The following KIT variants were observed in gnomAD, a reference collection of about 807,000 sequenced individuals.
The protein encoded by KIT is KIT proto-oncogene, receptor tyrosine kinase, also known as mast/stem cell growth factor receptor Kit.
A neutral mutation model predicts 105.7 loss-of-function variants in KIT; 16 were observed. That is an observed-to-expected ratio of 0.15 (90% confidence interval 0.10 to 0.23). The LOEUF (loss-of-function observed/expected upper bound fraction) is 0.23. Among genes scored for constraint, KIT ranks in the 10% least tolerant of loss-of-function variants. The pLI, the probability that KIT is intolerant of heterozygous loss-of-function variation, is 1.00. For missense variants in KIT, 858 were observed against 1,213.8 expected (o/e 0.71, Z 4.36); for synonymous variants, 438 against 441.1 (o/e 0.99, Z 0.09).
rs886716341 is a variant in KIT, at chr4:54,739,908, C to T, written c.*1351C>T. On this transcript the variant is annotated 3_prime_UTR_variant, in exon 21 of 21. Transcript: ENST00000288135. ...CTTAAGGCACTCTGTTATTTAGACT[C>T]ATCTTACTGTACCTGTTCCTTAGAC... 33 of 233,312 alleles carry T rather than the reference C, an allele frequency of 1.4e-4. No individual in the cohort carries two copies. Among genetic ancestry groups the T allele is most frequent in the African/African-American group, 5.7e-4 (26 of 45,318 alleles). The allele number at this position is 233,312 out of a possible 1,614,324, so 14.5% of individuals were successfully genotyped here. A position where few individuals can be genotyped will look rare whatever the true frequency, so the allele number is the denominator to read the frequency against.
rs1210072124 is a variant in KIT, at chr4:54,713,435, A to T, written c.1231+3896A>T. Among the ~76,000 whole-genome samples the T allele has an allele frequency of 2.6e-5, 4 of 152,196 alleles. No individual in the cohort carries two copies. In the East Asian group the frequency reaches 5.8e-4, roughly 22 times the overall value. ...GTTGTGGCCTTTTTGACATCATTTTAGCTGAGCCAGTTACATATGTAGGTG... is the reference window on the plus strand; with the variant it reads ...GTTGTGGCCTTTTTGACATCATTTTTGCTGAGCCAGTTACATATGTAGGTG... On this transcript the variant is annotated intron_variant, in intron 7 of 20. Coordinates refer to ENST00000288135, the MANE Select transcript of KIT (RefSeq NM_000222.3).
chr4:54,664,839 C>T (rs1344121529), intron 1 of KIT, among the ~76,000 whole-genome samples: 1 of 151,112 alleles, frequency 6.6e-6, no homozygotes, highest in African/African-American at 2.4e-5. Flanking sequence ...CCCCCAGCCT[C>T]AGCCTCCCAA....
At chr4:54,680,039 T>G (rs895126046) in intron 1 of KIT, among the ~76,000 whole-genome samples, 1 of 152,298 alleles carries the variant, frequency 6.6e-6, no homozygotes, top group Admixed American at 6.5e-5. Context: ...CATTATGCAA[T>G]ATTTCTGTTT....
chr4:54,666,601 C>A (rs1226275546), intron 1 of KIT, among the ~76,000 whole-genome samples: 2 of 151,916 alleles, frequency 1.3e-5, no homozygotes, highest in Non-Finnish European at 2.9e-5. Flanking sequence ...AGGGAAAATT[C>A]TTTCATTAGA....
intron 17 of KIT, among the ~76,000 whole-genome samples, chr4:54,734,868 A>G (rs1473954164): frequency 1.3e-5 from 2 of 152,150 alleles, no homozygotes; most frequent in Non-Finnish European, 2.9e-5. Flanking sequence ...TAGGAATACC[A>G]AGGAAAACAG....
intron 1 of KIT, among the ~76,000 whole-genome samples, chr4:54,688,077 T>C (rs1184821946): frequency 6.6e-6 from 1 of 152,054 alleles, no homozygotes; most frequent in Non-Finnish European, 1.5e-5. Flanking sequence ...TGATTCAGAG[T>C]TGATTTAGTC....
At chr4:54,734,700 T>C (rs1722817013) in intron 17 of KIT, among the ~76,000 whole-genome samples, 2 of 152,162 alleles carry the variant, frequency 1.3e-5, no homozygotes, top group Non-Finnish European at 1.5e-5. Flanking sequence ...ATTTTTGTCA[T>C]CATCATTTGA....
At chr4:54,706,477 A>T (rs1720796183) in intron 5 of KIT, among the ~76,000 whole-genome samples, 1 of 152,044 alleles carries the variant, frequency 6.6e-6, no homozygotes, top group African/African-American at 2.4e-5. Flanking sequence ...AAAAATATTT[A>T]TGGATTTAAA....
intron 7 of KIT, among the ~76,000 whole-genome samples, chr4:54,716,416 C>T (rs1721500394): frequency 6.6e-6 from 1 of 151,920 alleles, no homozygotes; most frequent in Non-Finnish European, 1.5e-5. Context: ...TGTAAATAAG[C>T]AAAAATAAAA....
At chr4:54,709,613 G>A in intron 7 of KIT, 74 bp downstream of exon 7, 2 of 885,778 alleles carry the variant, frequency 2.3e-6, no homozygotes, top group East Asian at 2.5e-5. Context: ...ACAGCTGCAA[G>A]GACTCAACTT....
intron 1 of KIT, among the ~76,000 whole-genome samples, chr4:54,677,920 G>T (rs1718597373): frequency 6.6e-6 from 1 of 152,214 alleles, no homozygotes; most frequent in Non-Finnish European, 1.5e-5. Flanking sequence ...GACCTAGAGG[G>T]TAAAGAGGCT....
At chr4:54,698,055 A>G (rs1720192951) in intron 2 of KIT, among the ~76,000 whole-genome samples, 1 of 152,190 alleles carries the variant, frequency 6.6e-6, no homozygotes, top group Admixed American at 6.5e-5. Flanking sequence ...TTGAAGATTA[A>G]ATGAGATTAA....
chr4:54,694,736 T>C (rs1719938274), intron 1 of KIT, among the ~76,000 whole-genome samples: 1 of 152,194 alleles, frequency 6.6e-6, no homozygotes, highest in Non-Finnish European at 1.5e-5. Context: ...CACACTAGCA[T>C]GGACTTTTCC....
rs545620289 is a variant in KIT at position 54,704,267 on chromosome 4, T to G, written c.925+375T>G. Among the ~76,000 whole-genome samples, 279 of 152,354 alleles carry G rather than the reference T, an allele frequency of 1.8e-3. 2 individuals are homozygous for G. Among genetic ancestry groups the G allele is most frequent in the African/African-American group, 6.4e-3 (268 of 41,598 alleles). On this transcript the variant is annotated intron_variant, in intron 5 of 20. Transcript: ENST00000288135. ...ACACAAATGCTTAGAGCCTGAAGTATTTCTCTGAAACTTTTGGTAGGGGCT... is the reference window on the plus strand; with the variant it reads ...ACACAAATGCTTAGAGCCTGAAGTAGTTCTCTGAAACTTTTGGTAGGGGCT...
intron 1 of KIT, among the ~76,000 whole-genome samples, chr4:54,688,405 C>T (rs1719466416): frequency 6.6e-6 from 1 of 151,856 alleles, no homozygotes; most frequent in Non-Finnish European, 1.5e-5. Flanking sequence ...GTTCTTCCTG[C>T]TCTACTTCCC....
chr4:54,713,952 A>G (rs1359541727), intron 7 of KIT, among the ~76,000 whole-genome samples: 1 of 152,188 alleles, frequency 6.6e-6, no homozygotes, highest in Non-Finnish European at 1.5e-5. Flanking sequence ...GCCAAGAGCC[A>G]TTATAACATG....
intron 1 of KIT, among the ~76,000 whole-genome samples, chr4:54,680,381 C>T (rs1392840992): frequency 2.4e-5 from 3 of 127,616 alleles, no homozygotes; most frequent in African/African-American, 3.0e-5. Flanking sequence ...AGTTTTCATT[C>T]GTCCTTTTTT....
intron 19 of KIT, 32 bp downstream of exon 19, chr4:54,736,852 C>A (rs371305960): frequency 1.3e-6 from 2 of 1,520,944 alleles, no homozygotes; most frequent in South Asian, 1.1e-5. Flanking sequence ...CTTTAGGTCA[C>A]GTTTTCCCTT....
intron 7 of KIT, among the ~76,000 whole-genome samples, chr4:54,715,242 CCA>C (rs1721405274): frequency 6.6e-6 from 1 of 151,966 alleles, no homozygotes; most frequent in Admixed American, 6.6e-5. Flanking sequence ...ACAGTTAAAT[CCA>C]GTTATGGATG....
Sources: gnomAD v4.1 joint callset for allele counts (sites outside exome capture counted in the v4.1 genomes callset) on GRCh38, gnomAD v4.1.1 for gene constraint, MANE v1.5 for transcripts, NCBI Gene and HGNC (gene_info 2026-07-23, HGNC 2026-07-21) for gene names.